The following ADAMTS5 variants were observed in gnomAD, a reference collection of about 807,000 sequenced individuals.
ADAMTS5 encodes ADAM metallopeptidase with thrombospondin type 1 motif 5.
Under a neutral mutation model 81.4 loss-of-function variants are expected in ADAMTS5, and 54 were observed. The observed-to-expected ratio is 0.66, with a 90% CI of 0.53 to 0.83. The LOEUF is 0.83. Among genes scored for constraint, ADAMTS5 ranks in the 40% least tolerant of loss-of-function variants. ADAMTS5 has a pLI of 0.00. For synonymous variants in ADAMTS5, 532 were observed against 508.8 expected, an observed-to-expected ratio of 1.05 and a Z score of -0.61; for missense variants, 1,194 against 1,229.9, an observed-to-expected ratio of 0.97 and a Z score of 0.44.
At chr21:26,930,344 T>C (rs1486082044) in intron 6 of ADAMTS5, among the ~76,000 whole-genome samples, 1 of 152,234 alleles carries the variant, frequency 6.6e-6, no homozygotes, top group Non-Finnish European at 1.5e-5. Flanking sequence ...TCTTCGTTTT[T>C]GTATGCATAA....
chr21:26,946,948 A>G (rs1205179110), intron 2 of ADAMTS5, among the ~76,000 whole-genome samples: 1 of 152,172 alleles, frequency 6.6e-6, no homozygotes, highest in Non-Finnish European at 1.5e-5. Context: ...CCATTTTGAC[A>G]GAGATCTGAG....
chr21:26,956,626 A>T (rs1987431994), intron 1 of ADAMTS5, among the ~76,000 whole-genome samples: 1 of 152,190 alleles, frequency 6.6e-6, no homozygotes, highest in Non-Finnish European at 1.5e-5. Flanking sequence ...GCCTTAAGGG[A>T]GCTGCTAGAC....
At chr21:26,950,540 T>G (rs997427814) in intron 2 of ADAMTS5, among the ~76,000 whole-genome samples, 1 of 152,224 alleles carries the variant, frequency 6.6e-6, no homozygotes, top group African/African-American at 2.4e-5. Flanking sequence ...AGCCAACATT[T>G]ACATGCATAT....
At chr21:26,961,062 C>T (rs575217566) in intron 1 of ADAMTS5, among the ~76,000 whole-genome samples, 14 of 152,112 alleles carry the variant, frequency 9.2e-5, no homozygotes, top group Non-Finnish European at 2.1e-4. Flanking sequence ...TCTCTGAATC[C>T]CTCCTTGCCT....
chr21:26,948,332 C>T (rs966988419), intron 2 of ADAMTS5, among the ~76,000 whole-genome samples: 3 of 152,208 alleles, frequency 2.0e-5, no homozygotes, highest in African/African-American at 7.2e-5. Flanking sequence ...CTCCTGATCC[C>T]AAACTGACCA....
Position 26,934,508 on chromosome 21 carries a change from C to T in ADAMTS5, c.1647G>A (p.Leu549=), listed in dbSNP as rs755614687. The T allele has an allele frequency of 1.9e-6, 3 of 1,614,118 alleles. No homozygotes were observed. Among genetic ancestry groups the T allele is most frequent in the Non-Finnish European group, 2.5e-6 (3 of 1,180,058 alleles). ...TGGTTTTGTCCACACATTTGCCCTG[C>T]AGGCAGATTCTCCCCTTTCCACAAG... ...GTPCGKGRIC[L]QGKCVDKTKK... Residue 549 remains leucine (L), a synonymous_variant, in exon 4 of 8, where the codon CTG becomes CTA. Coordinates refer to ENST00000284987, the MANE Select transcript of ADAMTS5 (RefSeq NM_007038.5).
At chr21:26,933,833 C>T (rs1230043266) in intron 4 of ADAMTS5, among the ~76,000 whole-genome samples, 1 of 152,182 alleles carries the variant, frequency 6.6e-6, no homozygotes, top group Non-Finnish European at 1.5e-5. Flanking sequence ...AAGATACAGG[C>T]AATGGGCACA....
intron 2 of ADAMTS5, among the ~76,000 whole-genome samples, chr21:26,952,001 A>G (rs1216505738): frequency 1.3e-5 from 2 of 152,214 alleles, no homozygotes; most frequent in African/African-American, 4.8e-5. Flanking sequence ...AAAGAATAAT[A>G]AAGAGATTAG....
intron 3 of ADAMTS5, among the ~76,000 whole-genome samples, chr21:26,935,236 A>G (rs1018559448): frequency 1.3e-5 from 2 of 152,144 alleles, no homozygotes; most frequent in East Asian, 3.9e-4. Context: ...TGTGCCTATC[A>G]CATGTCTCCT....
chr21:26,963,392 G>A (rs1987567174), intron 1 of ADAMTS5, among the ~76,000 whole-genome samples: 1 of 151,694 alleles, frequency 6.6e-6, no homozygotes, highest in Admixed American at 6.6e-5. Flanking sequence ...GAATGTTATG[G>A]GGCAGGAGGT....
intron 3 of ADAMTS5, among the ~76,000 whole-genome samples, chr21:26,942,929 G>A (rs557476520): frequency 6.6e-6 from 1 of 152,046 alleles, no homozygotes; most frequent in African/African-American, 2.4e-5. Context: ...TCCTCTTCTG[G>A]GCTTATGTTG....
chr21:26,928,890 C>G (rs1986855254), intron 7 of ADAMTS5, among the ~76,000 whole-genome samples: 1 of 152,050 alleles, frequency 6.6e-6, no homozygotes. Context: ...CTGATCATCT[C>G]CAAGGTGTTT....
chr21:26,921,433 T>A lies in ADAMTS5; in HGVS notation c.*2620A>T, dbSNP rs895882678. On this transcript the variant is annotated 3_prime_UTR_variant, in exon 8 of 8. Transcript: ENST00000284987. ...ATTAGATTCTTACAAACCTGAGCAT[T>A]TTCAGACGAATTCTTTTTTTTTTTT... 6.6e-6 allele frequency: 1 copy of A among 150,590 alleles called. No individual in the cohort carries two copies. The highest frequency in any genetic ancestry group is 1.5e-5 in the Non-Finnish European group (1 of 67,554). 9.3% of individuals were successfully genotyped at this position (150,590 alleles called of 1,614,324 possible).
intron 3 of ADAMTS5, 75 bp downstream of exon 3, chr21:26,943,305 A>T: frequency 7.5e-7 from 1 of 1,338,860 alleles, no homozygotes; most frequent in Non-Finnish European, 1.0e-6. Context: ...GAATATTATG[A>T]GGATATAATG....
intron 7 of ADAMTS5, among the ~76,000 whole-genome samples, chr21:26,925,857 T>C (rs914203703): frequency 6.6e-6 from 1 of 152,266 alleles, no homozygotes; most frequent in Non-Finnish European, 1.5e-5. Context: ...TAAAGCTTCC[T>C]ACAGTGTTGA....
At chr21:26,949,277 A>G (rs990765355) in intron 2 of ADAMTS5, among the ~76,000 whole-genome samples, 2 of 151,626 alleles carry the variant, frequency 1.3e-5, no homozygotes, top group Non-Finnish European at 2.9e-5. Flanking sequence ...AGCCCACTGA[A>G]GCCTCCATCT....
chr21:26,951,363 G>T (rs758356822), intron 2 of ADAMTS5, among the ~76,000 whole-genome samples: 2 of 152,186 alleles, frequency 1.3e-5, no homozygotes, highest in Non-Finnish European at 2.9e-5. Flanking sequence ...ACACATTTTG[G>T]AATGAGGCTA....
intron 7 of ADAMTS5, among the ~76,000 whole-genome samples, chr21:26,927,363 G>A (rs1206535173): frequency 6.6e-6 from 1 of 152,198 alleles, no homozygotes; most frequent in East Asian, 1.9e-4. Flanking sequence ...AGTGGTGGGA[G>A]TGGAGGAGAT....
chr21:26,926,696 T>G (rs1021047163), intron 7 of ADAMTS5, among the ~76,000 whole-genome samples: 2 of 150,622 alleles, frequency 1.3e-5, no homozygotes, highest in South Asian at 4.2e-4. Context: ...AGCCAGGCTC[T>G]TGACTCCCAA....
Sources: gnomAD v4.1 joint callset for allele counts (sites outside exome capture counted in the v4.1 genomes callset) on GRCh38, gnomAD v4.1.1 for gene constraint, MANE v1.5 for transcripts, NCBI Gene and HGNC (gene_info 2026-07-23, HGNC 2026-07-21) for gene names.